SHISA9: variants seen among roughly 807,000 people sequenced by gnomAD.
The protein encoded by SHISA9 is protein shisa-9.
In SHISA9, 13 loss-of-function variants were observed where a neutral mutation model predicts 38.0. The observed-to-expected ratio is 0.34, with a 90% CI of 0.22 to 0.54. SHISA9 has a LOEUF of 0.54. SHISA9 is among the 20% of genes least tolerant of loss of function. The pLI is 0.91. For synonymous variants in SHISA9, 275 were observed against 242.0 expected (o/e 1.14, Z -1.27); for missense variants, 538 against 575.8 (o/e 0.93, Z 0.67).
rs565759918 is a variant in SHISA9, at chr16:13,135,963, T to C, written c.692-67431T>C. Among the ~76,000 whole-genome samples, 7 of 152,316 alleles carry C rather than the reference T, an allele frequency of 4.6e-5. No homozygotes were observed. The East Asian group carries it at 1.4e-3, about 29-fold the overall frequency. On this transcript the variant is annotated intron_variant, in intron 2 of 4. Transcript: ENST00000558583. ...AAGCTGACATGTCAGTCCCAGGCCA[T>C]TTGAAACTGAGAGTTCTGGGCCAGG...
intron 4 of SHISA9, among the ~76,000 whole-genome samples, chr16:13,226,900 G>C (rs1027293253): frequency 7.2e-5 from 11 of 152,178 alleles, no homozygotes; most frequent in African/African-American, 1.9e-4. Context: ...AGAATCTACT[G>C]GTCCAAGCTC....
chr16:13,379,595 C>T, the SHISA9 span, among the ~76,000 whole-genome samples: 2 of 152,146 alleles, frequency 1.3e-5, no homozygotes, highest in Admixed American at 6.5e-5. Flanking sequence ...TGAACACAAC[C>T]GGGGTAATGT....
chr16:13,070,964 C>G (rs904359533), intron 2 of SHISA9, among the ~76,000 whole-genome samples: 1 of 152,288 alleles, frequency 6.6e-6, no homozygotes, highest in East Asian at 1.9e-4. Flanking sequence ...CTTTCCTCCA[C>G]TCTTATCCTT....
intron 2 of SHISA9, among the ~76,000 whole-genome samples, chr16:13,195,520 A>G (rs867490451): frequency 6.6e-6 from 1 of 152,322 alleles, no homozygotes; most frequent in African/African-American, 2.4e-5. Context: ...CCACTCAAGG[A>G]GGTAGAGCAT....
Position 13,235,230 on chromosome 16 carries a change from A to G in SHISA9, c.1096A>G (p.Thr366Ala). 6.4e-7 allele frequency: 1 copy of G among 1,551,558 alleles called. No homozygotes were observed. Among genetic ancestry groups the G allele is most frequent in the Non-Finnish European group, 8.7e-7 (1 of 1,146,972 alleles). ...PPHPLAYTSTTNFKGWDPNEQ... is the reference protein window; with the variant it reads ...PPHPLAYTSTANFKGWDPNEQ... Reference sequence around the variant, plus strand: ...ACATCCCCTGGCCTACACCTCTACCACCAACTTTAAGGGCTGGGACCCCAA... The same window carrying G: ...ACATCCCCTGGCCTACACCTCTACCGCCAACTTTAAGGGCTGGGACCCCAA... Residue 366 changes from threonine (T) to alanine (A), a missense_variant, in exon 5 of 5, where the codon ACC becomes GCC. Thr to Ala is a moderately conservative substitution (Grantham distance 58). This residue lies in a region of SHISA9 where 326 missense variants were observed against 305.9 expected (regional missense o/e 1.07). Coordinates refer to ENST00000558583, the MANE Select transcript of SHISA9 (RefSeq NM_001145204.3).
chr16:13,065,490 A>G (rs1302042567), intron 2 of SHISA9, among the ~76,000 whole-genome samples: 1 of 152,250 alleles, frequency 6.6e-6, no homozygotes, highest in South Asian at 2.1e-4. Context: ...TGTTCACATG[A>G]AAAGAACACA....
intron 2 of SHISA9, among the ~76,000 whole-genome samples, chr16:13,097,086 A>G (rs1312700058): frequency 6.6e-6 from 1 of 152,174 alleles, no homozygotes; most frequent in East Asian, 1.9e-4. Flanking sequence ...GGGCTTAGGT[A>G]TATAATCAAC....
At chr16:13,156,343 C>T (rs553381923) in intron 2 of SHISA9, among the ~76,000 whole-genome samples, 1 of 152,170 alleles carries the variant, frequency 6.6e-6, no homozygotes, top group Admixed American at 6.5e-5. Context: ...GTAGTAAACT[C>T]TAAATGAGTG....
At chr16:13,013,494 C>T (rs544306067) in intron 2 of SHISA9, among the ~76,000 whole-genome samples, 11 of 152,234 alleles carry the variant, frequency 7.2e-5, no homozygotes, top group South Asian at 2.1e-4. Flanking sequence ...CTCTAAGTTC[C>T]GCGTGGCTAG....
the SHISA9 span, among the ~76,000 whole-genome samples, chr16:13,372,237 G>C: frequency 3.3e-5 from 5 of 152,114 alleles, no homozygotes; most frequent in South Asian, 1.0e-3. Context: ...CACTAGAAAG[G>C]AATTATTAAA....
intron 1 of SHISA9, among the ~76,000 whole-genome samples, chr16:12,906,728 A>G (rs1176025383): frequency 2.6e-5 from 4 of 152,142 alleles, no homozygotes; most frequent in East Asian, 3.9e-4. Flanking sequence ...TAACTTCACT[A>G]TATCCTTTAT....
At chr16:12,902,928 C>T (rs547563176) in intron 1 of SHISA9, 1 of 356,046 alleles carries the variant, frequency 2.8e-6, no homozygotes, top group African/African-American at 2.1e-5. Context: ...GGACTTGAGA[C>T]ACGTAGCCTG....
chr16:13,271,406 A>T, the SHISA9 span, among the ~76,000 whole-genome samples: 1 of 152,150 alleles, frequency 6.6e-6, no homozygotes. Context: ...ATGTAGACCA[A>T]TTTAAAAAAG....
Position 12,923,087 on chromosome 16 carries a change from G to A in SHISA9, c.691+6272G>A, listed in dbSNP as rs571358862. 3.3e-5 allele frequency among the ~76,000 whole-genome samples: 5 copies of A among 152,248 alleles called. No individual in the cohort carries two copies. The South Asian group carries it at 6.2e-4, about 19-fold the overall frequency. On this transcript the variant is annotated intron_variant, in intron 2 of 4. Coordinates refer to ENST00000558583, the MANE Select transcript of SHISA9 (RefSeq NM_001145204.3). ...GGTGATCCTGCTGCCTCAGCCTTCC[G>A]AGTAGCTCTATACATTTCTGTCCAA...
intron 2 of SHISA9, among the ~76,000 whole-genome samples, chr16:13,193,089 G>A (rs2050902456): frequency 6.6e-6 from 1 of 152,310 alleles, no homozygotes; most frequent in South Asian, 2.1e-4. Context: ...TGTCCACAGA[G>A]GTGGTTCAAT....
intron 2 of SHISA9, among the ~76,000 whole-genome samples, chr16:13,021,181 C>A (rs1054829000): frequency 5.9e-5 from 9 of 152,188 alleles, no homozygotes; most frequent in East Asian, 1.9e-4. Context: ...TGCCTCCCTC[C>A]TACCTCCTTC....
At chr16:13,084,900 G>C (rs2073693715) in intron 2 of SHISA9, among the ~76,000 whole-genome samples, 1 of 152,192 alleles carries the variant, frequency 6.6e-6, no homozygotes, top group African/African-American at 2.4e-5. Flanking sequence ...AGGGGGGAAG[G>C]TTTTGTTTGA....
At chr16:13,380,157 CA>C in the SHISA9 span, among the ~76,000 whole-genome samples, 10 of 144,482 alleles carry the variant, frequency 6.9e-5, no homozygotes, top group Admixed American at 1.4e-4. Context: ...TCAGAATCCT[CA>C]AAAAAAAATA....
the SHISA9 span, among the ~76,000 whole-genome samples, chr16:13,299,682 T>C: frequency 2.5e-4 from 37 of 147,682 alleles, no homozygotes; most frequent in African/African-American, 8.7e-4. Flanking sequence ...CCCTGCACTT[T>C]AGCCTGGGCG....
Sources: allele counts gnomAD v4.1 joint callset (sites outside exome capture counted in the v4.1 genomes callset), GRCh38; gene constraint gnomAD v4.1.1; regional missense constraint gnomAD v4.1.1; transcripts MANE v1.5; gene names NCBI Gene and HGNC (gene_info 2026-07-23, HGNC 2026-07-21).